UMODL1: variants seen among roughly 807,000 people sequenced by gnomAD.
UMODL1 encodes the protein uromodulin-like 1.
Under a neutral mutation model 136.3 loss-of-function variants are expected in UMODL1, and 128 were observed. The ratio of observed to expected loss-of-function variants is 0.94; its 90% CI spans 0.81 to 1.09. The LOEUF (loss-of-function observed/expected upper bound fraction) is 1.09. Ranked by LOEUF, UMODL1 falls within the 50% of genes least tolerant of loss-of-function variation. The pLI, the probability that UMODL1 is intolerant of heterozygous loss-of-function variation, is 0.00. For missense variants in UMODL1, 1,766 were observed against 1,725.6 expected (o/e 1.02, Z -0.41); for synonymous variants, 721 against 720.0 (o/e 1.00, Z -0.02).
chr21:42,110,303 G>A (rs1217413588), intron 10 of UMODL1, among the ~76,000 whole-genome samples: 3 of 152,250 alleles, frequency 2.0e-5, no homozygotes, highest in Admixed American at 6.5e-5. Flanking sequence ...CCGGACACAG[G>A]CGTGGCAGAG....
chr21:42,073,781 A>T (rs2066257503), intron 1 of UMODL1, among the ~76,000 whole-genome samples: 2 of 151,844 alleles, frequency 1.3e-5, no homozygotes, highest in South Asian at 4.2e-4. Flanking sequence ...TGGTTTTGTG[A>T]TCATTTCTGC....
intron 10 of UMODL1, 64 bp from the exon 11 acceptor site, chr21:42,110,816 C>T: frequency 6.8e-7 from 1 of 1,479,300 alleles, no homozygotes; most frequent in Non-Finnish European, 9.1e-7. Context: ...ATGCTGCCCT[C>T]CTGGGAGGGC....
Position 42,127,780 on chromosome 21 carries a change from G to A in UMODL1, c.3639G>A (p.Leu1213=), listed in dbSNP as rs1316144736. ...FSFINDSIVY[L]HCKLRVCMES... is the part of the protein sequence containing the mutation. Reference sequence around the variant, plus strand: ...TTATCAACGACTCCATCGTCTACCTGCACTGCAAACTCCGCGTCTGCATGG... The same window carrying A: ...TTATCAACGACTCCATCGTCTACCTACACTGCAAACTCCGCGTCTGCATGG... The change falls in exon 20 of 23, where the codon CTG becomes CTA. Residue 1213 remains leucine, a synonymous_variant. Coordinates refer to ENST00000408910, the MANE Select transcript of UMODL1 (RefSeq NM_001004416.3). 1 of 1,614,050 alleles carries A rather than the reference G, an allele frequency of 6.2e-7. No individual in the cohort carries two copies. The highest frequency in any genetic ancestry group is 1.3e-5 in the African/African-American group (1 of 74,906).
At chr21:42,081,864 C>T (rs920037050) in intron 2 of UMODL1, among the ~76,000 whole-genome samples, 2 of 152,186 alleles carry the variant, frequency 1.3e-5, no homozygotes, top group African/African-American at 2.4e-5. Flanking sequence ...CCATTTAGTC[C>T]GCATGTCTGC....
intron 9 of UMODL1, among the ~76,000 whole-genome samples, chr21:42,107,492 G>C (rs2066738472): frequency 6.6e-6 from 1 of 152,222 alleles, no homozygotes. Flanking sequence ...CCTGGCCTAG[G>C]GCTGTCACCA....
intron 21 of UMODL1, among the ~76,000 whole-genome samples, chr21:42,132,475 TATC>T (rs151130257): frequency 1.3e-3 from 191 of 152,120 alleles, no homozygotes; most frequent in Non-Finnish European, 2.3e-3. Flanking sequence ...ATCATCCATC[TATC>T]ATCATCCATT....
rs559126475 is a variant in UMODL1, at chr21:42,137,624, G to A, written c.*4G>A. ...CTACCAGGTGTTCTACGAATAGGAG[G>A]CGCAGGCTGACAGGAAGGTGGGTGC... On this transcript the variant is annotated 3_prime_UTR_variant, in exon 22 of 23. Coordinates refer to ENST00000408910, the MANE Select transcript of UMODL1 (RefSeq NM_001004416.3). The A allele has an allele frequency of 8.1e-6, 13 of 1,611,170 alleles. No homozygotes were observed. The highest frequency in any genetic ancestry group is 3.3e-5 in the Admixed American group (2 of 59,802).
At chr21:42,107,302 C>A (rs1032530921) in intron 9 of UMODL1, among the ~76,000 whole-genome samples, 1 of 152,212 alleles carries the variant, frequency 6.6e-6, no homozygotes, top group Non-Finnish European at 1.5e-5. Flanking sequence ...CATCCTTCTG[C>A]GTAAGAGGCC....
chr21:42,117,384 A>G (rs220143), intron 14 of UMODL1, among the ~76,000 whole-genome samples: 98,050 of 152,118 alleles, frequency 0.64, 31,767 homozygotes, highest in Middle Eastern at 0.76. Flanking sequence ...ATAGTGCTGC[A>G]ATGCCCCTGC....
In UMODL1 at chr21:42,099,252, A is replaced by G. The variant is rs2066597688; in HGVS notation, c.1186+72A>G. On this transcript the variant is annotated intron_variant, in intron 7 of 22. Coordinates refer to ENST00000408910, the MANE Select transcript of UMODL1 (RefSeq NM_001004416.3). The surrounding 1 kb of genome is among the most constrained non-coding windows in gnomAD (Gnocchi z 4.1). ...TCTATCCCAGGTCTGTGGCCCTAGC[A>G]TGTCGCGTTCTTCTTCCTATAACCA... The G allele has an allele frequency of 1.3e-6, 2 of 1,560,204 alleles. No homozygotes were observed. The highest frequency in any genetic ancestry group is 8.7e-7 in the Non-Finnish European group (1 of 1,153,222).
intron 2 of UMODL1, among the ~76,000 whole-genome samples, chr21:42,083,038 C>T (rs192581734): frequency 2.0e-5 from 3 of 152,322 alleles, no homozygotes; most frequent in Admixed American, 2.0e-4. Context: ...TTGCCTTCCT[C>T]ATCTTTGCCT....
chr21:42,111,498 C>G lies in UMODL1; in HGVS notation c.1900-8C>G. 3 of 1,613,812 alleles carry G rather than the reference C, an allele frequency of 1.9e-6. No homozygotes were observed. The highest frequency in any genetic ancestry group is 2.5e-6 in the Non-Finnish European group (3 of 1,179,774). On this transcript the variant is annotated splice_polypyrimidine_tract_variant and splice_region_variant and intron_variant, in intron 11 of 22. Transcript: ENST00000408910. ...GCCACAGATGGCCCACTGGCCCTCC[C>G]TGGACAGCTACAGGGAAACTCCATC... is the stretch of plus-strand genomic sequence containing the variant.
chr21:42,122,804 TTG>T lies in UMODL1; in HGVS notation c.2828-26_2828-25del. 1 of 1,560,660 alleles carries T rather than the reference TTG, an allele frequency of 6.4e-7. No individual in the cohort carries two copies. Among genetic ancestry groups the T allele is most frequent in the Middle Eastern group, 1.7e-4 (1 of 5,794 alleles). ...CCAACCCCAAACACAGAGCCACTCT[TTG>T]CCTTTTCCTCCTTGTGCCTTGCAGG... On this transcript the variant is annotated intron_variant, in intron 16 of 22. Coordinates refer to ENST00000408910, the MANE Select transcript of UMODL1 (RefSeq NM_001004416.3). This position sits in a 1 kb window ranked among gnomAD's most constrained non-coding sequence, Gnocchi z 4.3.
intron 14 of UMODL1, among the ~76,000 whole-genome samples, chr21:42,117,554 C>T (rs1221049616): frequency 6.6e-6 from 1 of 152,146 alleles, no homozygotes; most frequent in Non-Finnish European, 1.5e-5. Context: ...TTTGTTTGCA[C>T]GGAATCTCAC....
chr21:42,126,295 G>C (rs769016788), intron 17 of UMODL1, 50 bp from the exon 18 acceptor site: 21 of 1,608,500 alleles, frequency 1.3e-5, no homozygotes, highest in Non-Finnish European at 1.5e-5. Flanking sequence ...AGCAGGGCGT[G>C]GGGGGCCGGC....
intron 17 of UMODL1, among the ~76,000 whole-genome samples, chr21:42,124,472 G>T (rs187615747): frequency 6.6e-6 from 1 of 152,326 alleles, no homozygotes. Context: ...CCATGCCGGG[G>T]GTGGCTAGAT....
At chr21:42,075,243 G>GCA (rs1555917881) in intron 1 of UMODL1, among the ~76,000 whole-genome samples, 1 of 49,014 alleles carries the variant, frequency 2.0e-5, no homozygotes, top group Non-Finnish European at 4.5e-5. Flanking sequence ...GCTGGAGATG[G>GCA]GGGGGGGGTT....
In UMODL1 at chr21:42,104,729, C is replaced by T. The variant is rs145156201; in HGVS notation, c.1519+642C>T. Among the ~76,000 whole-genome samples, 1,243 of 152,286 alleles carry T rather than the reference C, an allele frequency of 8.2e-3. 14 individuals are homozygous for T. Among genetic ancestry groups the T allele is most frequent in the African/African-American group, 0.027 (1,126 of 41,546 alleles). ...CCTCCCAAGGTGCTGGGATTACAGG[C>T]GTGAGCCACCGCGCCCGGCCTCTGT... is the stretch of plus-strand genomic sequence containing the variant. On this transcript the variant is annotated intron_variant, in intron 9 of 22. Transcript: ENST00000408910.
chr21:42,134,822 T>C (rs749886004), intron 21 of UMODL1, among the ~76,000 whole-genome samples: 4 of 151,432 alleles, frequency 2.6e-5, no homozygotes, highest in South Asian at 2.1e-4. Flanking sequence ...ACGGGGGTTT[T>C]ACCATGTTGG....
Sources: allele counts gnomAD v4.1 joint callset (sites outside exome capture counted in the v4.1 genomes callset), GRCh38; gene constraint gnomAD v4.1.1; non-coding constraint Gnocchi (gnomAD v3.1); transcripts MANE v1.5; gene names NCBI Gene and HGNC (gene_info 2026-07-23, HGNC 2026-07-21).